USP11: variants seen among roughly 807,000 people sequenced by gnomAD.
USP11 encodes ubiquitin specific peptidase 11, also known as ubiquitin carboxyl-terminal hydrolase 11.
A neutral mutation model predicts 72.8 loss-of-function variants in USP11; 5 were observed. The ratio of observed to expected loss-of-function variants is 0.07; its 90% CI spans 0.04 to 0.14. The LOEUF (loss-of-function observed/expected upper bound fraction) is 0.14. USP11 is among the 10% of genes least tolerant of loss of function. The pLI, the probability that USP11 is intolerant of heterozygous loss-of-function variation, is 1.00. For missense variants in USP11, 480 were observed against 794.7 expected, an observed-to-expected ratio of 0.60 and a Z score of 4.76; for synonymous variants, 368 against 326.5, an observed-to-expected ratio of 1.13 and a Z score of -1.37.
At position 47,243,097 on chromosome X, in the gene USP11, A is replaced by G; in HGVS notation, c.1584-299A>G. Among the ~76,000 whole-genome samples, 2 of 110,613 alleles carry G rather than the reference A, an allele frequency of 1.8e-5. 1 individual carries two copies. The highest frequency in any genetic ancestry group is 8.4e-3 in the Middle Eastern group (2 of 237). On this transcript the variant is annotated intron_variant, in intron 12 of 20. Transcript: ENST00000377107. ...GCTAACACGGTGAAACCCCGTCTCT[A>G]CTAAAAATACAAAAAATTAGCCGGG...
chrX:47,240,590 A>G lies in USP11; in HGVS notation c.685A>G (p.Ile229Val), dbSNP rs1176677668. The G allele has an allele frequency of 8.3e-7, 1 of 1,211,665 alleles. No individual in the cohort carries two copies. The highest frequency in any genetic ancestry group is 1.1e-6 in the Non-Finnish European group (1 of 895,496). ...TCTTTCTCTTTCTCCAACCCAGTTG[A>G]TCATCATGGAGACCCGCAAGAAAGA... ...LDAALETGQL[I>V]IMETRKKDGT... The change falls in exon 6 of 21, where the codon ATC becomes GTC. Residue 229 changes from isoleucine (I) to valine (V), a missense_variant. Transcript: ENST00000377107.
chrX:47,239,052 T>A lies in USP11; in HGVS notation c.177-18T>A, dbSNP rs1325762797. ...TCAGCTACCCATGTAACACCCTTGT[T>A]ACCTGTCTGGGCCCCAGGTTCCTTG... On this transcript the variant is annotated intron_variant, in intron 1 of 20. Transcript: ENST00000377107. 4.2e-6 allele frequency: 5 copies of A among 1,188,079 alleles called. No individual in the cohort carries two copies. Among genetic ancestry groups the A allele is most frequent in the Non-Finnish European group, 5.7e-6 (5 of 877,382 alleles).
chrX:47,237,921 T>G (rs2055381812), intron 1 of USP11, among the ~76,000 whole-genome samples: 1 of 110,157 alleles, frequency 9.1e-6, no homozygotes, highest in South Asian at 3.8e-4. Flanking sequence ...CATTTAGCAC[T>G]TATTATATGT....
intron 16 of USP11, 102 bp from the exon 17 acceptor site, chrX:47,245,268 T>C: frequency 1.1e-6 from 1 of 922,585 alleles, no homozygotes; most frequent in South Asian, 2.3e-5. Context: ...AAGTCGGTGC[T>C]CTGACCCACT....
At position 47,239,798 on chromosome X, in the gene USP11, G is replaced by A. The variant is rs775139112; in HGVS notation, c.426G>A (p.Glu142=). 3.3e-6 allele frequency: 4 copies of A among 1,209,888 alleles called. No homozygotes were observed. In the African/African-American group the frequency reaches 5.2e-5, roughly 16 times the overall value. Residue 142 remains glutamate (E), a synonymous_variant, in exon 4 of 21, where the codon GAG becomes GAA. Transcript: ENST00000377107. ...CCCCTCTACTCTTACAGGTCATAGA[G>A]CTGCCCAACATCCAGAAGGTCGAAG... is the stretch of plus-strand genomic sequence containing the variant. The part of the protein sequence containing the change: ...GQPPIERKVI[E]LPNIQKVEVY...
chrX:47,247,881 C>T lies in USP11; in HGVS notation c.2714C>T (p.Ser905Phe), dbSNP rs1389873275. ...GCCGGCTCATCTGGCGCCCCAGCCT[C>T]CCCTGCCTGCAGCTCCCCACCCAGC... ...SPAGSSGAPA[S>F]PACSSPPSSE... is the part of the protein sequence containing the mutation. Residue 905 changes from serine to phenylalanine, a missense_variant, in exon 21 of 21, where the codon TCC becomes TTC. Ser to Phe is a radical substitution (Grantham distance 155, BLOSUM62 -2). Around this residue, in one of 5 missense-constraint regions of USP11, gnomAD observed 314 missense variants for 556.0 expected, o/e 0.56. Transcript: ENST00000377107. 2 of 1,202,828 alleles carry T rather than the reference C, an allele frequency of 1.7e-6. No individual in the cohort carries two copies. Among genetic ancestry groups the T allele is most frequent in the African/African-American group, 3.6e-5 (2 of 55,705 alleles).
At chrX:47,241,965 G>A (rs1488423518) in intron 9 of USP11, 117 bp from the exon 10 acceptor site, 1 of 838,774 alleles carries the variant, frequency 1.2e-6, no homozygotes. Flanking sequence ...CCTAGCTGGA[G>A]CTCTGCCTCT....
chrX:47,234,809 C>G (rs1457996824), intron 1 of USP11, among the ~76,000 whole-genome samples: 2 of 111,772 alleles, frequency 1.8e-5, no homozygotes, highest in African/African-American at 6.5e-5. Context: ...CTTAGTCATT[C>G]CACAATGTAT....
intron 16 of USP11, 112 bp from the exon 17 acceptor site, chrX:47,245,258 A>G (rs1322756765): frequency 8.1e-5 from 74 of 910,368 alleles, no homozygotes; most frequent in South Asian, 2.3e-5. Context: ...CCTAGCTTCA[A>G]AGTCGGTGCT....
At chrX:47,245,694 A>C (rs896204462) in intron 17 of USP11, among the ~76,000 whole-genome samples, 1 of 109,704 alleles carries the variant, frequency 9.1e-6, no homozygotes, top group African/African-American at 3.3e-5. Flanking sequence ...ATAGGCACCC[A>C]CTACCATGCC....
chrX:47,245,576 C>G, intron 17 of USP11, 94 bp downstream of exon 17: 2 of 551,541 alleles, frequency 3.6e-6, no homozygotes, highest in Non-Finnish European at 5.6e-6. Flanking sequence ...CAGAGTCTGG[C>G]TCTGTCAACC....
At chrX:47,245,226 G>A in intron 16 of USP11, 140 bp downstream of exon 16, 2 of 934,786 alleles carry the variant, frequency 2.1e-6, no homozygotes, top group Non-Finnish European at 3.0e-6. Flanking sequence ...AACACCTACT[G>A]AGAGCTCCAG....
At chrX:47,234,267 A>G (rs2055361178) in intron 1 of USP11, among the ~76,000 whole-genome samples, 1 of 112,415 alleles carries the variant, frequency 8.9e-6, no homozygotes, top group Non-Finnish European at 1.9e-5. Context: ...TCCAAATTGA[A>G]GGAATTAATG....
Position 47,240,777 on chromosome X carries a change from C to T in USP11, c.747C>T (p.Asn249=), listed in dbSNP as rs143754131. Reference sequence around the variant, plus strand: ...ACAGTTTCTCATCTAACCCCAGGAACAACAACATGTCGGAAGAGGATGAGG... The same window carrying T: ...ACAGTTTCTCATCTAACCCCAGGAATAACAACATGTCGGAAGAGGATGAGG... The part of the protein sequence containing the change: ...TWPSAQLHVM[N]NNMSEEDEDF... The change falls in exon 7 of 21, where the codon AAC becomes AAT. Residue 249 remains asparagine, a synonymous_variant. Coordinates refer to ENST00000377107, the MANE Select transcript of USP11 (RefSeq NM_001371072.1). The T allele has an allele frequency of 8.3e-7, 1 of 1,209,999 alleles. No homozygotes were observed. Among genetic ancestry groups the T allele is most frequent in the African/African-American group, 1.7e-5 (1 of 57,252 alleles).
Position 47,248,081 on chromosome X carries a change from T to C in USP11, c.*151T>C. ...GCTACTGTTCTCCTGTGCCGCTGCA[T>C]CGCTCTCTCCCGGGAAAGAACAGGT... is the stretch of plus-strand genomic sequence containing the variant. On this transcript the variant is annotated 3_prime_UTR_variant, in exon 21 of 21. Transcript: ENST00000377107. The C allele has an allele frequency of 1.2e-6, 1 of 859,281 alleles. No individual in the cohort carries two copies. Among genetic ancestry groups the C allele is most frequent in the African/African-American group, 2.0e-5 (1 of 48,973 alleles). 70.8% of individuals were successfully genotyped at this position (859,281 alleles called of 1,213,427 possible). A position where few individuals can be genotyped will look rare whatever the true frequency, so the allele number is the denominator to read the frequency against.
rs1231770119 is a variant in USP11 at position 47,247,927 on chromosome X, T to C, written c.2760T>C (p.Asn920=). 3.4e-6 allele frequency: 4 copies of C among 1,181,120 alleles called. No homozygotes were observed. Among genetic ancestry groups the C allele is most frequent in the African/African-American group, 1.8e-5 (1 of 54,994 alleles). ...SPPSSEFMDV[N] is the part of the protein sequence containing the mutation. ...CCAGCTCTGAGTTCATGGATGTTAATTGAGAGCCCTGGGTCCTGCCACAGA... is the reference window on the plus strand; with the variant it reads ...CCAGCTCTGAGTTCATGGATGTTAACTGAGAGCCCTGGGTCCTGCCACAGA... The change falls in exon 21 of 21, where the codon AAT becomes AAC. Residue 920 remains asparagine (N), a synonymous_variant. Coordinates refer to ENST00000377107, the MANE Select transcript of USP11 (RefSeq NM_001371072.1).
chrX:47,242,381 C>T, intron 10 of USP11, 58 bp from the exon 11 acceptor site: 2 of 1,205,680 alleles, frequency 1.7e-6, no homozygotes, highest in Non-Finnish European at 2.2e-6. Flanking sequence ...CTCAAGGCTT[C>T]TTGCATTAAC....
At position 47,239,175 on chromosome X, in the gene USP11, T is replaced by C. The variant is rs142989705; in HGVS notation, c.282T>C (p.Phe94=). 1,267 of 1,205,197 alleles carry C rather than the reference T, an allele frequency of 1.1e-3. 7 individuals carry two copies. The African/African-American group carries it at 0.018, about 17-fold the overall frequency. ...GCTGCATCAACAATGCCACACTCTT[T>C]CAAGGTACAAGGCCTTTGCCTCCTT... The part of the protein sequence containing the change: ...FPGCINNATL[F]QDEINWRLKE... The change falls in exon 2 of 21, where the codon TTT becomes TTC. Residue 94 remains phenylalanine, a synonymous_variant. Coordinates refer to ENST00000377107, the MANE Select transcript of USP11 (RefSeq NM_001371072.1).
intron 1 of USP11, among the ~76,000 whole-genome samples, chrX:47,237,786 A>ATGTG (rs763902030): frequency 0.021 from 793 of 38,328 alleles, 5 homozygotes; most frequent in Admixed American, 0.027. Flanking sequence ...GTGTGTGTGT[A>ATGTG]TGTGTGTGTG....
Sources: allele counts gnomAD v4.1 joint callset (sites outside exome capture counted in the v4.1 genomes callset), GRCh38; gene constraint gnomAD v4.1.1; regional missense constraint gnomAD v4.1.1; transcripts MANE v1.5; gene names NCBI Gene and HGNC (gene_info 2026-07-23, HGNC 2026-07-21).